ANO10: variants seen among roughly 807,000 people sequenced by gnomAD.
ANO10 encodes the protein anoctamin 10.
A neutral mutation model predicts 74.7 loss-of-function variants in ANO10; 77 were observed. The observed-to-expected ratio is 1.03, with a 90% CI of 0.86 to 1.25. The LOEUF is 1.25. ANO10 is among the 50% of genes most tolerant of loss of function. ANO10 has a pLI of 0.00. For missense variants in ANO10, 721 were observed against 778.1 expected (o/e 0.93, Z 0.87); for synonymous variants, 279 against 284.9 (o/e 0.98, Z 0.21).
rs570320199 is a variant in ANO10 at position 43,379,209 on chromosome 3, G to A, written c.1915-12235C>T. Among the ~76,000 whole-genome samples, 41 of 152,166 alleles carry A rather than the reference G, an allele frequency of 2.7e-4. 1 individual carries two copies. The highest frequency in any genetic ancestry group is 4.6e-4 in the Non-Finnish European group (31 of 68,040). Reference sequence around the variant, plus strand: ...CAAAACACATCTTGGGATACATACAGCACTGAACTACCAACAGACTGTCTT... The same window carrying A: ...CAAAACACATCTTGGGATACATACAACACTGAACTACCAACAGACTGTCTT... On this transcript the variant is annotated intron_variant, in intron 12 of 12. Coordinates refer to ENST00000292246, the MANE Select transcript of ANO10 (RefSeq NM_018075.5).
At chr3:43,568,379 T>C (rs1325522532) in intron 7 of ANO10, among the ~76,000 whole-genome samples, 2 of 152,210 alleles carry the variant, frequency 1.3e-5, no homozygotes, top group Non-Finnish European at 2.9e-5. Flanking sequence ...CAACAGAATA[T>C]ACATTTTTAT....
At chr3:43,530,420 T>A (rs998492198) in intron 11 of ANO10, among the ~76,000 whole-genome samples, 2 of 149,042 alleles carry the variant, frequency 1.3e-5, no homozygotes. Context: ...ATATAAAACA[T>A]ATAGCCTATA....
intron 7 of ANO10, among the ~76,000 whole-genome samples, chr3:43,567,026 C>A (rs1245969714): frequency 6.6e-6 from 1 of 151,888 alleles, no homozygotes; most frequent in Non-Finnish European, 1.5e-5. Context: ...TCGAGAACTA[C>A]GTGAAGAATG....
rs145046729 is a variant in ANO10, at chr3:43,493,357, T to C, written c.1797+56363A>G. On this transcript the variant is annotated intron_variant, in intron 11 of 12. Coordinates refer to ENST00000292246, the MANE Select transcript of ANO10 (RefSeq NM_018075.5). Reference sequence around the variant, plus strand: ...GGTTGATAGCACCATGGCACATTTATACCTACGTAACAAAAGTGCATGTTC... The same window carrying C: ...GGTTGATAGCACCATGGCACATTTACACCTACGTAACAAAAGTGCATGTTC... Among the ~76,000 whole-genome samples, 394 of 152,170 alleles carry C rather than the reference T, an allele frequency of 2.6e-3. 2 individuals carry two copies. The highest frequency in any genetic ancestry group is 5.2e-3 in the Admixed American group (80 of 15,282).
chr3:43,593,260 G>A (rs1368529685), intron 4 of ANO10, among the ~76,000 whole-genome samples: 51 of 152,062 alleles, frequency 3.4e-4, no homozygotes, highest in Admixed American at 3.3e-3. Flanking sequence ...TACAGAGAAC[G>A]CCACAAAGAT....
intron 1 of ANO10, among the ~76,000 whole-genome samples, chr3:43,685,686 A>G (rs1482914129): frequency 6.6e-6 from 1 of 152,218 alleles, no homozygotes; most frequent in African/African-American, 2.4e-5. Context: ...GGCCTTGCCA[A>G]TATTTAGCAG....
intron 11 of ANO10, among the ~76,000 whole-genome samples, chr3:43,522,176 C>G (rs1182441913): frequency 6.6e-6 from 1 of 152,006 alleles, no homozygotes; most frequent in African/African-American, 2.4e-5. Flanking sequence ...CTGCTGCGTA[C>G]AGAATTTCTG....
Position 43,567,642 on chromosome 3 carries a change from T to C in ANO10, c.1219-1915A>G, listed in dbSNP as rs990853040. 1.2e-3 allele frequency among the ~76,000 whole-genome samples: 183 copies of C among 152,096 alleles called. 1 individual carries two copies. The highest frequency in any genetic ancestry group is 4.3e-3 in the African/African-American group (180 of 41,474). Reference sequence around the variant, plus strand: ...ATAGACAAGCAAATGCTGAGAGATTTTGTCACCACCAGGCCTGCCTTACAA... The same window carrying C: ...ATAGACAAGCAAATGCTGAGAGATTCTGTCACCACCAGGCCTGCCTTACAA... On this transcript the variant is annotated intron_variant, in intron 7 of 12. Coordinates refer to ENST00000292246, the MANE Select transcript of ANO10 (RefSeq NM_018075.5).
chr3:43,473,504 C>A (rs758937807), intron 11 of ANO10, among the ~76,000 whole-genome samples: 5 of 152,210 alleles, frequency 3.3e-5, no homozygotes, highest in Admixed American at 6.5e-5. Flanking sequence ...ACGCGCCTCT[C>A]CCACATGCCA....
chr3:43,638,859 T>A (rs146455714), intron 1 of ANO10: 3 of 152,336 alleles, frequency 2.0e-5, no homozygotes, highest in Non-Finnish European at 4.4e-5. Context: ...TGTCACTCAG[T>A]TTCTGACAGG....
At chr3:43,634,395 G>A (rs144396570) in intron 1 of ANO10, among the ~76,000 whole-genome samples, 146 of 152,052 alleles carry the variant, frequency 9.6e-4, no homozygotes, top group African/African-American at 2.8e-3. Context: ...GTCTTTCCCC[G>A]TCTCCCAACC....
At chr3:43,683,773 C>A (rs942630411) in intron 1 of ANO10, among the ~76,000 whole-genome samples, 1 of 152,054 alleles carries the variant, frequency 6.6e-6, no homozygotes, top group Non-Finnish European at 1.5e-5. Context: ...AGAAATAATA[C>A]CACACATCTA....
At chr3:43,688,314 A>T (rs2084300844) in intron 1 of ANO10, among the ~76,000 whole-genome samples, 3 of 152,112 alleles carry the variant, frequency 2.0e-5, no homozygotes, top group African/African-American at 7.2e-5. Context: ...ACTGTGTTCC[A>T]GGCGGTAGGG....
intron 11 of ANO10, among the ~76,000 whole-genome samples, chr3:43,450,559 A>G (rs769909482): frequency 2.6e-5 from 4 of 152,158 alleles, no homozygotes; most frequent in Admixed American, 1.3e-4. Flanking sequence ...GAAAAATTAC[A>G]TATCTAGCTT....
intron 12 of ANO10, among the ~76,000 whole-genome samples, chr3:43,394,784 T>G (rs940213777): frequency 6.6e-6 from 1 of 152,132 alleles, no homozygotes; most frequent in Admixed American, 6.5e-5. Flanking sequence ...TCTCACAGTG[T>G]TCCCATTTAC....
intron 11 of ANO10, among the ~76,000 whole-genome samples, chr3:43,545,394 G>C (rs1442924319): frequency 6.6e-6 from 1 of 151,260 alleles, no homozygotes; most frequent in South Asian, 2.1e-4. Context: ...TTTTTTTTTA[G>C]ACAGAGTCTC....
At chr3:43,536,693 A>G (rs2078724128) in intron 11 of ANO10, among the ~76,000 whole-genome samples, 1 of 152,078 alleles carries the variant, frequency 6.6e-6, no homozygotes, top group South Asian at 2.1e-4. Flanking sequence ...ATAAAATCTT[A>G]TTTGGTGTTT....
At chr3:43,419,249 C>T (rs2092785770) in intron 12 of ANO10, among the ~76,000 whole-genome samples, 2 of 152,226 alleles carry the variant, frequency 1.3e-5, no homozygotes, top group South Asian at 4.1e-4. Context: ...AACGTCATTT[C>T]TACAGTATTC....
intron 12 of ANO10, among the ~76,000 whole-genome samples, chr3:43,370,886 G>T (rs549985758): frequency 1.1e-3 from 160 of 152,254 alleles, no homozygotes; most frequent in African/African-American, 3.7e-3. Flanking sequence ...TGTCTCTGTG[G>T]AGAAGTACAG....
Sources: allele counts gnomAD v4.1 joint callset (sites outside exome capture counted in the v4.1 genomes callset), GRCh38; gene constraint gnomAD v4.1.1; transcripts MANE v1.5; gene names NCBI Gene and HGNC (gene_info 2026-07-23, HGNC 2026-07-21).